SOX5: variants seen among roughly 807,000 people sequenced by gnomAD.
SOX5 encodes SRY-box transcription factor 5.
SOX5 carries 9 observed loss-of-function variants against 92.0 expected under a neutral mutation model. The observed-to-expected ratio is 0.10, with a 90% CI of 0.06 to 0.17. The LOEUF (loss-of-function observed/expected upper bound fraction) is 0.17. Ranked by LOEUF, SOX5 falls within the 10% of genes least tolerant of loss-of-function variation. The probability of loss-of-function intolerance (pLI) is 1.00; values close to 1 mark genes in which losing one functional copy is unlikely to be tolerated. For missense variants in SOX5, 642 were observed against 944.5 expected, an observed-to-expected ratio of 0.68 and a Z score of 4.20; for synonymous variants, 344 against 336.3, an observed-to-expected ratio of 1.02 and a Z score of -0.25.
intron 4 of SOX5, among the ~76,000 whole-genome samples, chr12:24,017,973 C>T (rs147988138): frequency 6.6e-6 from 1 of 152,312 alleles, no homozygotes; most frequent in Non-Finnish European, 1.5e-5. Flanking sequence ...ATCCACTCTG[C>T]TCCCGTTAAC....
chr12:24,199,697 T>C (rs989309870), intron 4 of SOX5, among the ~76,000 whole-genome samples: 1 of 152,174 alleles, frequency 6.6e-6, no homozygotes, highest in Non-Finnish European at 1.5e-5. Context: ...GAGACAAGAC[T>C]CTAACTCCTG....
At chr12:24,518,965 T>G (rs1314094248) in intron 1 of SOX5, among the ~76,000 whole-genome samples, 1 of 152,206 alleles carries the variant, frequency 6.6e-6, no homozygotes, top group Non-Finnish European at 1.5e-5. Context: ...AAATAAGGTA[T>G]GATTATGTAG....
chr12:24,519,976 C>G (rs948832080), intron 1 of SOX5, among the ~76,000 whole-genome samples: 1 of 151,594 alleles, frequency 6.6e-6, no homozygotes, highest in South Asian at 2.1e-4. Context: ...AGACTATAAG[C>G]AGATTTCTCA....
intron 4 of SOX5, among the ~76,000 whole-genome samples, chr12:24,126,888 C>T (rs1949157197): frequency 6.6e-6 from 1 of 152,114 alleles, no homozygotes; most frequent in African/African-American, 2.4e-5. Flanking sequence ...GAACTCCTCC[C>T]TTTCTTCGAA....
intron 1 of SOX5, among the ~76,000 whole-genome samples, chr12:24,468,395 T>C (rs1182665598): frequency 1.3e-5 from 2 of 151,940 alleles, no homozygotes; most frequent in Non-Finnish European, 2.9e-5. Context: ...ATGTACAGCA[T>C]GTAAAGTATA....
At chr12:24,528,550 C>T (rs554191579) in intron 1 of SOX5, among the ~76,000 whole-genome samples, 4 of 152,268 alleles carry the variant, frequency 2.6e-5, no homozygotes, top group East Asian at 3.9e-4. Context: ...TCCTTCATTT[C>T]GGAGAGAAGA....
intron 6 of SOX5, among the ~76,000 whole-genome samples, chr12:23,707,539 T>C (rs1231871099): frequency 1.3e-5 from 2 of 152,016 alleles, no homozygotes; most frequent in Admixed American, 6.6e-5. Context: ...GAGATAAGAG[T>C]AGAATATACA....
chr12:23,729,072 A>G (rs1374616555), intron 6 of SOX5, among the ~76,000 whole-genome samples: 1 of 151,954 alleles, frequency 6.6e-6, no homozygotes, highest in Non-Finnish European at 1.5e-5. Flanking sequence ...CTTGCTGGAA[A>G]CATTCATGAA....
intron 4 of SOX5, among the ~76,000 whole-genome samples, chr12:24,000,403 T>C (rs1042155530): frequency 5.9e-5 from 9 of 152,024 alleles, no homozygotes; most frequent in African/African-American, 2.2e-4. Context: ...TATACTGTAA[T>C]AATAGCACAA....
chr12:24,038,885 C>A (rs538160196), intron 4 of SOX5, among the ~76,000 whole-genome samples: 1 of 152,296 alleles, frequency 6.6e-6, no homozygotes, highest in South Asian at 2.1e-4. Flanking sequence ...AACCAAGTTA[C>A]AGAATTCTCT....
intron 3 of SOX5, among the ~76,000 whole-genome samples, chr12:23,799,990 A>G (rs1193098769): frequency 6.6e-6 from 1 of 152,076 alleles, no homozygotes; most frequent in Non-Finnish European, 1.5e-5. Flanking sequence ...ATGTTTAAAT[A>G]AAATATGTCA....
At chr12:23,591,047 T>A (rs1951465651) in intron 9 of SOX5, among the ~76,000 whole-genome samples, 1 of 151,904 alleles carries the variant, frequency 6.6e-6, no homozygotes, top group Non-Finnish European at 1.5e-5. Flanking sequence ...TTTTAAAAAA[T>A]CTTATTTCTT....
At chr12:24,460,261 C>G (rs1169113058) in intron 1 of SOX5, among the ~76,000 whole-genome samples, 2 of 152,216 alleles carry the variant, frequency 1.3e-5, no homozygotes, top group African/African-American at 4.8e-5. Flanking sequence ...AAGGCTGTCT[C>G]TCTTACCACT....
chr12:24,257,658 G>A (rs1439889486), intron 3 of SOX5, among the ~76,000 whole-genome samples: 1 of 151,784 alleles, frequency 6.6e-6, no homozygotes, highest in Non-Finnish European at 1.5e-5. Flanking sequence ...TAGTAGAGAT[G>A]GGGTTTCACC....
intron 1 of SOX5, among the ~76,000 whole-genome samples, chr12:24,382,182 T>C (rs1201133029): frequency 2.0e-5 from 3 of 151,934 alleles, no homozygotes; most frequent in African/African-American, 7.3e-5. Flanking sequence ...AAAATTAAAG[T>C]AGGGAGAAAA....
intron 8 of SOX5, among the ~76,000 whole-genome samples, chr12:23,611,923 TTAAA>T (rs1295761302): frequency 6.8e-6 from 1 of 146,214 alleles, no homozygotes; most frequent in Non-Finnish European, 1.5e-5. Flanking sequence ...GCATTTTAAA[TTAAA>T]AAAAAAAAAA....
Position 24,551,651 on chromosome 12 carries a change from T to C in SOX5, c.-251+10678A>G, listed in dbSNP as rs536705814. 8.5e-5 allele frequency among the ~76,000 whole-genome samples: 13 copies of C among 152,292 alleles called. No homozygotes were observed. The East Asian group carries it at 1.9e-3, about 23-fold the overall frequency. On this transcript the variant is annotated intron_variant, in intron 1 of 4. Transcript: ENST00000446891. ...TGCGGTAACTGTTATCCCAAGATAA[T>C]AGACACAGAGGACTCATGTTTTGAT...
intron 4 of SOX5, among the ~76,000 whole-genome samples, chr12:24,188,838 T>G (rs1242543816): frequency 6.6e-6 from 1 of 152,062 alleles, no homozygotes; most frequent in Non-Finnish European, 1.5e-5. Context: ...GGCAGGAAAA[T>G]CAGGTGAAAT....
chr12:23,822,514 T>C (rs2096140223), intron 3 of SOX5, among the ~76,000 whole-genome samples: 1 of 152,156 alleles, frequency 6.6e-6, no homozygotes. Context: ...TTTTTTGCAT[T>C]TGCTGAGGAG....
Sources: allele counts gnomAD v4.1 joint callset (sites outside exome capture counted in the v4.1 genomes callset), GRCh38; gene constraint gnomAD v4.1.1; transcripts MANE v1.5; gene names NCBI Gene and HGNC (gene_info 2026-07-23, HGNC 2026-07-21).